Variants in GALNT1 observed in about 807,000 individuals in gnomAD.
The protein encoded by GALNT1 is GalNAc transferase 1.
Under a neutral mutation model 65.7 loss-of-function variants are expected in GALNT1, and 17 were observed. That is an observed-to-expected ratio of 0.26 (90% CI 0.18 to 0.39). The LOEUF is 0.39. Among genes scored for constraint, GALNT1 ranks in the 10% least tolerant of loss-of-function variants. GALNT1 has a pLI of 1.00. For missense variants in GALNT1, 460 were observed against 672.8 expected (o/e 0.68, Z 3.50); for synonymous variants, 210 against 219.7 (o/e 0.96, Z 0.39).
chr18:35,662,023 A>G (rs1054062509), intron 2 of GALNT1, among the ~76,000 whole-genome samples: 6 of 152,138 alleles, frequency 3.9e-5, no homozygotes, highest in Non-Finnish European at 5.9e-5. Context: ...CCTTTTGACC[A>G]CTGATGTACC....
At chr18:35,607,163 C>CT (rs539303264) in intron 1 of GALNT1, among the ~76,000 whole-genome samples, 86 of 152,164 alleles carry the variant, frequency 5.7e-4, no homozygotes, top group Admixed American at 4.9e-3. Flanking sequence ...GGCCCTGAGT[C>CT]TAACACAGTG....
At chr18:35,645,510 G>A (rs1030161578) in intron 1 of GALNT1, among the ~76,000 whole-genome samples, 2 of 152,116 alleles carry the variant, frequency 1.3e-5, no homozygotes, top group African/African-American at 4.8e-5. Context: ...GATTATAGGC[G>A]TGAGCTGCCG....
At chr18:35,676,890 G>T (rs1239249673) in intron 3 of GALNT1, among the ~76,000 whole-genome samples, 1 of 152,172 alleles carries the variant, frequency 6.6e-6, no homozygotes, top group African/African-American at 2.4e-5. Flanking sequence ...TTATTATGTG[G>T]ATTTTGTGTG....
At chr18:35,612,935 T>C (rs1216202033) in intron 1 of GALNT1, among the ~76,000 whole-genome samples, 2 of 152,054 alleles carry the variant, frequency 1.3e-5, no homozygotes, top group African/African-American at 4.8e-5. Flanking sequence ...GTACCCATAG[T>C]TTCTTAAAAT....
At chr18:35,670,185 A>T (rs576303049) in intron 3 of GALNT1, among the ~76,000 whole-genome samples, 1 of 152,182 alleles carries the variant, frequency 6.6e-6, no homozygotes, top group Non-Finnish European at 1.5e-5. Context: ...CCAGCTGCTC[A>T]GGAGGCTGAG....
intron 1 of GALNT1, among the ~76,000 whole-genome samples, chr18:35,582,884 C>T (rs530699304): frequency 6.6e-6 from 1 of 152,270 alleles, no homozygotes; most frequent in African/African-American, 2.4e-5. Flanking sequence ...AGCGTGGGAG[C>T]CACTAACCAC....
intron 1 of GALNT1, among the ~76,000 whole-genome samples, chr18:35,585,969 T>C (rs1192854516): frequency 5.3e-5 from 8 of 152,256 alleles, no homozygotes; most frequent in Non-Finnish European, 1.5e-5. Flanking sequence ...TCTTTATTTC[T>C]CTGGGATATA....
chr18:35,690,969 ATTACTCAGCTACATG>A (rs1480334935), intron 7 of GALNT1, 28 bp from the exon 8 acceptor site: 1 of 1,472,620 alleles, frequency 6.8e-7, no homozygotes, highest in Admixed American at 2.4e-5. Context: ...ACATTTCCTG[ATTACTCAGCTACATG>A]TTACATGGTC....
At chr18:35,616,001 A>G (rs141347861) in intron 1 of GALNT1, among the ~76,000 whole-genome samples, 1 of 152,314 alleles carries the variant, frequency 6.6e-6, no homozygotes, top group East Asian at 1.9e-4. Flanking sequence ...TAAACCATAT[A>G]TAAATGAATG....
chr18:35,582,009 C>T (rs1847821212), intron 1 of GALNT1, 147 bp downstream of exon 1: 1 of 151,958 alleles, frequency 6.6e-6, no homozygotes, highest in South Asian at 2.1e-4. Flanking sequence ...ACGCTCGGCG[C>T]GGGTTCGGGT....
At chr18:35,702,533 A>G (rs960166814) in intron 9 of GALNT1, among the ~76,000 whole-genome samples, 5 of 152,190 alleles carry the variant, frequency 3.3e-5, no homozygotes, top group Non-Finnish European at 7.4e-5. Flanking sequence ...AAGTCATCAG[A>G]GTAGTTATCA....
intron 4 of GALNT1, among the ~76,000 whole-genome samples, chr18:35,679,461 A>C (rs1325014134): frequency 6.6e-6 from 1 of 152,300 alleles, no homozygotes; most frequent in South Asian, 2.1e-4. Context: ...AAACTCACCT[A>C]TAGCAGTTCT....
At chr18:35,704,000 A>T (rs1349901776) in intron 11 of GALNT1, among the ~76,000 whole-genome samples, 3 of 152,206 alleles carry the variant, frequency 2.0e-5, no homozygotes, top group East Asian at 3.9e-4. Flanking sequence ...GATAAGTTTT[A>T]ATTAATAAAG....
At chr18:35,701,609 A>G (rs2048165341) in intron 9 of GALNT1, among the ~76,000 whole-genome samples, 1 of 152,206 alleles carries the variant, frequency 6.6e-6, no homozygotes, top group East Asian at 1.9e-4. Context: ...GGACCCTGAG[A>G]AAAAAACATT....
chr18:35,603,275 T>A lies in GALNT1; in HGVS notation c.-104+21413T>A, dbSNP rs142188307. Among the ~76,000 whole-genome samples, 22 of 152,224 alleles carry A rather than the reference T, an allele frequency of 1.4e-4. No homozygotes were observed. The East Asian group carries it at 4.3e-3, about 29-fold the overall frequency. On this transcript the variant is annotated intron_variant, in intron 1 of 11. Transcript: ENST00000269195. ...TAGAAATTGTGAGACAGGGAGGAATTTTCCATGTGCAGTGCCTAGCAGATT... is the reference window on the plus strand; with the variant it reads ...TAGAAATTGTGAGACAGGGAGGAATATTCCATGTGCAGTGCCTAGCAGATT...
At chr18:35,630,919 T>C (rs377225746) in intron 1 of GALNT1, among the ~76,000 whole-genome samples, 14 of 152,114 alleles carry the variant, frequency 9.2e-5, no homozygotes, top group South Asian at 4.1e-4. Context: ...GAGAATACTA[T>C]AAACACCTCT....
chr18:35,596,566 C>T (rs1204218038), intron 1 of GALNT1: 2 of 152,144 alleles, frequency 1.3e-5, no homozygotes, highest in African/African-American at 2.4e-5. Flanking sequence ...TTGTAGATAC[C>T]TGAGAGTGAG....
chr18:35,644,762 G>A lies in GALNT1; in HGVS notation c.-103-9798G>A, dbSNP rs147032997. On this transcript the variant is annotated intron_variant, in intron 1 of 11. Coordinates refer to ENST00000269195, the MANE Select transcript of GALNT1 (RefSeq NM_020474.4). ...TCCCAGCACTTTGGGAGGCTGAGGC[G>A]GGCGTATCACTTCAGGTGACGCGTT... Among the ~76,000 whole-genome samples, 680 of 152,146 alleles carry A rather than the reference G, an allele frequency of 4.5e-3. 3 individuals are homozygous for A. The highest frequency in any genetic ancestry group is 6.8e-3 in the Middle Eastern group (2 of 294).
At chr18:35,671,227 A>AT (rs1486847064) in intron 3 of GALNT1, among the ~76,000 whole-genome samples, 9 of 151,976 alleles carry the variant, frequency 5.9e-5, no homozygotes, top group Admixed American at 3.3e-4. Flanking sequence ...ACACATATAT[A>AT]TTTTTGAGAG....
Sources: allele counts gnomAD v4.1 joint callset (sites outside exome capture counted in the v4.1 genomes callset), GRCh38; gene constraint gnomAD v4.1.1; transcripts MANE v1.5; gene names NCBI Gene and HGNC (gene_info 2026-07-23, HGNC 2026-07-21).